Variants in CTSH observed in about 807,000 individuals in gnomAD.
CTSH encodes cathepsin H, also known as pro-cathepsin H.
CTSH carries 52 observed loss-of-function variants against 56.3 expected under a neutral mutation model. The observed-to-expected ratio is 0.92, with a 90% CI of 0.74 to 1.16. The LOEUF is 1.16. CTSH is among the 50% of genes most tolerant of loss of function. The pLI, the probability that CTSH is intolerant of heterozygous loss-of-function variation, is 0.00. For missense variants in CTSH, 406 were observed against 424.5 expected (o/e 0.96, Z 0.38); for synonymous variants, 174 against 155.7 (o/e 1.12, Z -0.88).
chr15:78,932,834 T>A (rs1384777896), intron 5 of CTSH, among the ~76,000 whole-genome samples: 1 of 152,136 alleles, frequency 6.6e-6, no homozygotes. Flanking sequence ...TGCAGTCTTC[T>A]GGCTCTCTTC....
At chr15:78,931,877 A>C in intron 6 of CTSH, 1 of 1,235,624 alleles carries the variant, frequency 8.1e-7, no homozygotes. Context: ...ACCTGTCCAC[A>C]ACCCAGGGTC....
chr15:78,926,592 GC>G (rs2054907978), intron 9 of CTSH: 2 of 152,290 alleles, frequency 1.3e-5, no homozygotes, highest in South Asian at 4.1e-4. Flanking sequence ...GCCCAGAGCA[GC>G]CAGCTTGAGT....
At position 78,924,705 on chromosome 15, in the gene CTSH, T is replaced by TTC. The variant is rs397722664; in HGVS notation, c.806+628_806+629insGA. Among the ~76,000 whole-genome samples, 69 of 151,596 alleles carry TTC rather than the reference T, an allele frequency of 4.6e-4. 1 individual carries two copies. The South Asian group carries it at 0.014, about 31-fold the overall frequency. ...TTAAACATGGGTATTTTTTTTTTTTTCTGAGACAGAGCTTTGCTCTGTCAC... is the reference window on the plus strand; with the variant it reads ...TTAAACATGGGTATTTTTTTTTTTTTTCCTGAGACAGAGCTTTGCTCTGTCAC... On this transcript the variant is annotated intron_variant, in intron 10 of 11. Coordinates refer to ENST00000220166, the MANE Select transcript of CTSH (RefSeq NM_004390.5).
intron 11 of CTSH, 128 bp from the exon 12 acceptor site, chr15:78,922,333 G>A (rs999164863): frequency 1.4e-6 from 1 of 724,278 alleles, no homozygotes; most frequent in Non-Finnish European, 2.4e-6. Flanking sequence ...TAAAACAGTA[G>A]CATTCGGCTT....
chr15:78,927,190 C>T (rs115011548), intron 9 of CTSH: 2,165 of 153,972 alleles, frequency 0.014, 49 homozygotes, highest in African/African-American at 0.048. Context: ...GCATCATTTA[C>T]CACCTTCTTT....
At position 78,932,463 on chromosome 15, in the gene CTSH, A is replaced by C; in HGVS notation, c.406-5T>G. ...CCAGCAACTGCCGCAGGCACCCTGG[A>C]AAGGCCAGGGGAGAGCAGAGGACAT... On this transcript the variant is annotated splice_region_variant and splice_polypyrimidine_tract_variant and intron_variant, in intron 5 of 11. Transcript: ENST00000220166. The C allele has an allele frequency of 6.2e-7, 1 of 1,611,848 alleles. No individual in the cohort carries two copies. The highest frequency in any genetic ancestry group is 1.1e-5 in the South Asian group (1 of 91,032).
intron 10 of CTSH, among the ~76,000 whole-genome samples, chr15:78,923,751 A>G (rs574906822): frequency 6.6e-6 from 1 of 152,288 alleles, no homozygotes; most frequent in South Asian, 2.1e-4. Flanking sequence ...ACTTTAACAC[A>G]GCTTTGCTTT....
intron 10 of CTSH, 64 bp from the exon 11 acceptor site, chr15:78,923,182 CCAA>C: frequency 6.3e-7 from 1 of 1,581,912 alleles, no homozygotes; most frequent in Non-Finnish European, 8.6e-7. Context: ...ACAGTCCCAT[CCAA>C]CAACGCCTCT....
At chr15:78,939,573 G>C (rs891296526) in intron 1 of CTSH, among the ~76,000 whole-genome samples, 1 of 152,156 alleles carries the variant, frequency 6.6e-6, no homozygotes, top group Non-Finnish European at 1.5e-5. Context: ...GTTATATTTC[G>C]GTAAGAAGTT....
intron 1 of CTSH, among the ~76,000 whole-genome samples, chr15:78,939,755 T>C (rs2055249692): frequency 6.6e-6 from 1 of 152,046 alleles, no homozygotes; most frequent in Admixed American, 6.6e-5. Flanking sequence ...GGTATGGTGG[T>C]GTGTGCCTGT....
At chr15:78,929,806 C>T (rs1340010955) in intron 7 of CTSH, among the ~76,000 whole-genome samples, 1 of 152,186 alleles carries the variant, frequency 6.6e-6, no homozygotes, top group Admixed American at 6.5e-5. Flanking sequence ...CTGTCATCGC[C>T]ACAGCCGAGC....
rs949726717 is a variant in CTSH, at chr15:78,929,414, T to G, written c.628A>C (p.Lys210Gln). The change falls in exon 8 of 12, where the codon AAG becomes CAG. Residue 210 changes from lysine (K) to glutamine (Q), a missense_variant and splice_region_variant. Transcript: ENST00000220166. ...MGEDTYPYQGKDGYCKFQPGK... is the reference protein window; with the variant it reads ...MGEDTYPYQGQDGYCKFQPGK... The stretch of plus-strand genomic sequence containing the variant: ...AGAGTGGAGGCTGTTGGAGTTACCT[T>G]GCCCTGGTAGGGGTAGGTGTCTTCA... 1.2e-6 allele frequency: 2 copies of G among 1,611,674 alleles called. No homozygotes were observed. Among genetic ancestry groups the G allele is most frequent in the Non-Finnish European group, 8.5e-7 (1 of 1,178,456 alleles).
rs184516167 is a variant in CTSH, at chr15:78,938,509, C to T, written c.123+631G>A. Among the ~76,000 whole-genome samples the T allele has an allele frequency of 3.6e-3, 541 of 152,312 alleles. 1 individual carries two copies. Among genetic ancestry groups the T allele is most frequent in the Non-Finnish European group, 6.2e-3 (423 of 68,036 alleles). ...TTTATCTCCCACATACGAGTGAGAA[C>T]ATGTAATATTTGCCTTTCTATGCTT... On this transcript the variant is annotated intron_variant, in intron 2 of 11. Coordinates refer to ENST00000220166, the MANE Select transcript of CTSH (RefSeq NM_004390.5).
At chr15:78,922,365 G>A (rs957332955) in intron 11 of CTSH, among the ~76,000 whole-genome samples, 160 bp from the exon 12 acceptor site, 1 of 152,130 alleles carries the variant, frequency 6.6e-6, no homozygotes, top group Admixed American at 6.5e-5. Context: ...GGCAAATCAC[G>A]GACCTGACTT....
intron 6 of CTSH, chr15:78,931,930 T>C (rs190838728): frequency 3.7e-4 from 436 of 1,176,320 alleles, no homozygotes; most frequent in Non-Finnish European, 8.4e-5. Context: ...CCCTCCTTTC[T>C]CCACAGAGGC....
chr15:78,938,627 A>G (rs10152868), intron 2 of CTSH, among the ~76,000 whole-genome samples: 133,439 of 152,252 alleles, frequency 0.88, 58,638 homozygotes, highest in South Asian at 0.91. Context: ...ATAATATTCC[A>G]TTGTGTACAT....
intron 10 of CTSH, among the ~76,000 whole-genome samples, chr15:78,924,705 T>TC (rs2054863736): frequency 6.6e-6 from 1 of 151,480 alleles, no homozygotes; most frequent in Admixed American, 6.6e-5. Context: ...TTTTTTTTTT[T>TC]CTGAGACAGA....
chr15:78,933,400 T>A (rs901778177), intron 5 of CTSH: 12 of 335,834 alleles, frequency 3.6e-5, no homozygotes, highest in Non-Finnish European at 7.5e-5. Context: ...GCTGTAAGGA[T>A]TTCTCTCAGG....
chr15:78,924,067 C>T (rs1204945203), intron 10 of CTSH, among the ~76,000 whole-genome samples: 2 of 133,462 alleles, frequency 1.5e-5, no homozygotes, highest in Non-Finnish European at 3.1e-5. Context: ...GCGACAGAGC[C>T]CCCAGGAGGT....
Sources: gnomAD v4.1 joint callset for allele counts (sites outside exome capture counted in the v4.1 genomes callset) on GRCh38, gnomAD v4.1.1 for gene constraint, MANE v1.5 for transcripts, NCBI Gene and HGNC (gene_info 2026-07-23, HGNC 2026-07-21) for gene names.